WDR7: variants seen among roughly 807,000 people sequenced by gnomAD.
WDR7 encodes WD repeat domain 7.
WDR7 carries 46 observed loss-of-function variants against 169.4 expected under a neutral mutation model. That is an observed-to-expected ratio of 0.27 (90% CI 0.21 to 0.35). WDR7 has a LOEUF of 0.35. WDR7 is among the 10% of genes least tolerant of loss of function. The pLI is 1.00. For missense variants in WDR7, 1,534 were observed against 1,859.3 expected (o/e 0.83, Z 3.22); for synonymous variants, 612 against 666.8 (o/e 0.92, Z 1.27).
downstream of WDR7, chr18:57,030,942 A>G (rs1451351979): frequency 6.6e-6 from 1 of 151,830 alleles, no homozygotes; most frequent in Non-Finnish European, 1.5e-5. Flanking sequence ...TAATGAACTA[A>G]GCTCACAATT....
intron 14 of WDR7, among the ~76,000 whole-genome samples, chr18:56,743,641 T>G (rs2043654490): frequency 1.3e-5 from 2 of 152,122 alleles, no homozygotes; most frequent in Admixed American, 6.5e-5. Context: ...TGTGGAGAGT[T>G]AAGGAGTGAA....
In WDR7 at chr18:56,916,198, A is replaced by G. The variant is rs1227229868; in HGVS notation, c.3527-7724A>G. On this transcript the variant is annotated intron_variant, in intron 21 of 27. Transcript: ENST00000254442. ...TTTGTTACACAGGTATACGTGTGCC[A>G]TGTTGGTGTGCTGTACCCATTAACT... Among the ~76,000 whole-genome samples the G allele has an allele frequency of 3.9e-5, 6 of 152,252 alleles. No homozygotes were observed. In the East Asian group the frequency reaches 1.2e-3, roughly 29 times the overall value.
At chr18:56,715,791 C>T (rs1243482406) in intron 12 of WDR7, among the ~76,000 whole-genome samples, 5 of 152,014 alleles carry the variant, frequency 3.3e-5, no homozygotes, top group African/African-American at 7.2e-5. Context: ...TAATTATACC[C>T]GTAGAAAAAG....
At chr18:56,795,763 T>G (rs1203535239) in intron 19 of WDR7, among the ~76,000 whole-genome samples, 1 of 152,234 alleles carries the variant, frequency 6.6e-6, no homozygotes. Flanking sequence ...TTTATTTGTT[T>G]GTTTGCTTAT....
At chr18:56,890,334 C>T (rs1285147149) in intron 21 of WDR7, among the ~76,000 whole-genome samples, 1 of 152,116 alleles carries the variant, frequency 6.6e-6, no homozygotes, top group Non-Finnish European at 1.5e-5. Flanking sequence ...AATGATCCCC[C>T]AAGTACTCCC....
chr18:56,681,734 A>C (rs1460665610), intron 4 of WDR7, among the ~76,000 whole-genome samples: 1 of 152,222 alleles, frequency 6.6e-6, no homozygotes, highest in Non-Finnish European at 1.5e-5. Flanking sequence ...ATCCTTTGTG[A>C]TTCCACTTGT....
chr18:56,707,211 G>A (rs1250558238), intron 12 of WDR7, among the ~76,000 whole-genome samples: 2 of 152,152 alleles, frequency 1.3e-5, no homozygotes, highest in Admixed American at 1.3e-4. Flanking sequence ...TCAAACTCCT[G>A]ACATCAAATG....
intron 3 of WDR7, 48 bp from the exon 4 acceptor site, chr18:56,681,265 G>A (rs752849796): frequency 2.4e-6 from 3 of 1,233,778 alleles, no homozygotes; most frequent in East Asian, 2.6e-5. Flanking sequence ...AAGTTGAATG[G>A]TGCTTTAAAA....
intron 21 of WDR7, among the ~76,000 whole-genome samples, chr18:56,898,974 A>T (rs1354042195): frequency 6.6e-6 from 1 of 152,138 alleles, no homozygotes; most frequent in Non-Finnish European, 1.5e-5. Context: ...ATTTCAAAAT[A>T]GTTCTTAAAA....
chr18:56,951,637 G>A (rs73958717), intron 25 of WDR7, among the ~76,000 whole-genome samples: 5,492 of 151,908 alleles, frequency 0.036, 323 homozygotes, highest in African/African-American at 0.12. Flanking sequence ...ATATACACAC[G>A]TGATGTATAT....
rs181453228 is a variant in WDR7, at chr18:56,979,991, G to T, written c.4164+17462G>T. Among the ~76,000 whole-genome samples, 42 of 152,288 alleles carry T rather than the reference G, an allele frequency of 2.8e-4. 1 individual carries two copies. The highest frequency in any genetic ancestry group is 2.7e-3 in the Admixed American group (42 of 15,302). On this transcript the variant is annotated intron_variant, in intron 26 of 27. Coordinates refer to ENST00000254442, the MANE Select transcript of WDR7 (RefSeq NM_015285.3). ...AAGCAACCAGAGACTTCCTTAACCA[G>T]CAGCCATAGCCTTTTTTCTGCCAAA...
chr18:56,755,572 G>A (rs2043872853), intron 14 of WDR7, among the ~76,000 whole-genome samples: 2 of 152,218 alleles, frequency 1.3e-5, no homozygotes, highest in South Asian at 4.1e-4. Flanking sequence ...GGTTTAGTGA[G>A]GGGTGGAGAT....
chr18:56,833,547 A>T (rs1002696701), intron 20 of WDR7, among the ~76,000 whole-genome samples: 5 of 152,206 alleles, frequency 3.3e-5, no homozygotes, highest in African/African-American at 7.2e-5. Context: ...ACCTAGTATT[A>T]AATAAAACAT....
chr18:56,847,000 G>A (rs1190260933), intron 20 of WDR7, among the ~76,000 whole-genome samples: 1 of 152,144 alleles, frequency 6.6e-6, no homozygotes, highest in Admixed American at 6.6e-5. Flanking sequence ...CTTTGGAACT[G>A]GGTAACAGGC....
chr18:56,731,338 A>T, intron 13 of WDR7, 45 bp from the exon 14 acceptor site: 4 of 1,586,278 alleles, frequency 2.5e-6, no homozygotes, highest in Non-Finnish European at 3.4e-6. Context: ...ACTATTCAAA[A>T]TGTTGTAGTG....
intron 21 of WDR7, among the ~76,000 whole-genome samples, chr18:56,908,082 C>A (rs1052208310): frequency 6.6e-6 from 1 of 152,098 alleles, no homozygotes; most frequent in Non-Finnish European, 1.5e-5. Flanking sequence ...TAGTTAGATT[C>A]TCTCCATAAG....
chr18:56,939,071 TTAAAC>T (rs1169477406), intron 24 of WDR7, among the ~76,000 whole-genome samples: 8 of 152,252 alleles, frequency 5.3e-5, no homozygotes, highest in Middle Eastern at 3.4e-3. Flanking sequence ...TGAATTGACT[TTAAAC>T]TAAACAAGTC....
chr18:56,841,719 AAG>A (rs778222359), intron 20 of WDR7, among the ~76,000 whole-genome samples: 1 of 152,124 alleles, frequency 6.6e-6, no homozygotes, highest in Non-Finnish European at 1.5e-5. Flanking sequence ...ACTTTATAGC[AAG>A]AGTCATTTGA....
intron 27 of WDR7, among the ~76,000 whole-genome samples, chr18:57,023,109 A>G (rs2048313307): frequency 6.6e-6 from 1 of 152,258 alleles, no homozygotes; most frequent in African/African-American, 2.4e-5. Context: ...TTTTAATGGA[A>G]GATACAAAAA....
Sources: gnomAD v4.1 joint callset for allele counts (sites outside exome capture counted in the v4.1 genomes callset) on GRCh38, gnomAD v4.1.1 for gene constraint, MANE v1.5 for transcripts, NCBI Gene and HGNC (gene_info 2026-07-23, HGNC 2026-07-21) for gene names.